ANKRD26: variants seen among roughly 807,000 people sequenced by gnomAD.
The protein encoded by ANKRD26 is ankyrin repeat domain 26, also known as ankyrin repeat domain-containing protein 26.
A neutral mutation model predicts 208.7 loss-of-function variants in ANKRD26; 141 were observed. That is an observed-to-expected ratio of 0.68 (90% CI 0.59 to 0.78). The LOEUF is 0.78. Among genes scored for constraint, ANKRD26 ranks in the 30% least tolerant of loss-of-function variants. The pLI is 0.00. For synonymous variants in ANKRD26, 636 were observed against 660.4 expected (o/e 0.96, Z 0.57); for missense variants, 1,889 against 1,938.7 (o/e 0.97, Z 0.48).
intron 20 of ANKRD26, among the ~76,000 whole-genome samples, chr10:27,041,800 T>C (rs1261126480): frequency 6.6e-6 from 1 of 151,154 alleles, no homozygotes; most frequent in African/African-American, 2.4e-5. Flanking sequence ...AAAAAAAATG[T>C]GAAGAAAAAT....
chr10:26,984,778 G>A (rs1230802246), intron 3 of ANKRD26, among the ~76,000 whole-genome samples: 2 of 152,178 alleles, frequency 1.3e-5, no homozygotes, highest in Non-Finnish European at 2.9e-5. Context: ...TGGTGGATCA[G>A]AGTGTAAGGA....
chr10:27,059,827 G>A (rs190110702), intron 15 of ANKRD26, among the ~76,000 whole-genome samples: 5 of 151,824 alleles, frequency 3.3e-5, no homozygotes, highest in African/African-American at 4.8e-5. Context: ...CCCAGGAGGC[G>A]GAGGCTGCAG....
downstream of ANKRD26, among the ~76,000 whole-genome samples, chr10:26,972,012 G>C (rs2052151416): frequency 6.6e-6 from 1 of 152,118 alleles, no homozygotes; most frequent in South Asian, 2.1e-4. Context: ...AAGGTGGGCG[G>C]ATCACAAAGT....
chr10:27,041,848 C>T (rs1049299011), intron 20 of ANKRD26, among the ~76,000 whole-genome samples: 2 of 151,536 alleles, frequency 1.3e-5, no homozygotes, highest in African/African-American at 4.8e-5. Flanking sequence ...AACTATAATC[C>T]CACAGATTCA....
In ANKRD26 at chr10:27,066,549, C is replaced by T; in HGVS notation, c.1208-1G>A. 1 of 1,591,130 alleles carries T rather than the reference C, an allele frequency of 6.3e-7. No individual in the cohort carries two copies. Among genetic ancestry groups the T allele is most frequent in the South Asian group, 1.1e-5 (1 of 89,506 alleles). On this transcript the variant is annotated splice_acceptor_variant, in intron 10 of 33. Transcript: ENST00000376087. LOFTEE classifies it high-confidence loss of function. Reference sequence around the variant, plus strand: ...CCTAATCCTAATGCGGACATCATATCTATCAAATGTGATACACAGATATAT... The same window carrying T: ...CCTAATCCTAATGCGGACATCATATTTATCAAATGTGATACACAGATATAT...
At chr10:26,964,491 C>T in the ANKRD26 span, among the ~76,000 whole-genome samples, 1 of 152,192 alleles carries the variant, frequency 6.6e-6, no homozygotes, top group Non-Finnish European at 1.5e-5. Flanking sequence ...GCAGCTCACT[C>T]CACCACAGAG....
At chr10:27,085,773 C>T (rs1417784522) in intron 5 of ANKRD26, among the ~76,000 whole-genome samples, 1 of 152,064 alleles carries the variant, frequency 6.6e-6, no homozygotes, top group Non-Finnish European at 1.5e-5. Context: ...TCATCTCTGC[C>T]ACCCCAAGAC....
At chr10:26,958,488 G>A in the ANKRD26 span, among the ~76,000 whole-genome samples, 1 of 152,110 alleles carries the variant, frequency 6.6e-6, no homozygotes, top group South Asian at 2.1e-4. Context: ...GTTCCCCCCA[G>A]TGTGCCCATG....
exon 6 of ANKRD26, among the ~76,000 whole-genome samples, chr10:26,975,077 G>T (rs2052204788): frequency 1.3e-5 from 2 of 152,148 alleles, no homozygotes; most frequent in South Asian, 4.1e-4. Context: ...CTTGTCTTGA[G>T]TTATGCCTCC....
the ANKRD26 span, among the ~76,000 whole-genome samples, chr10:26,949,563 T>A: frequency 6.6e-6 from 1 of 152,222 alleles, no homozygotes; most frequent in African/African-American, 2.4e-5. Context: ...TGGAGTGCAG[T>A]GGCGAGATTT....
At chr10:27,026,115 C>T (rs1436773978) in intron 27 of ANKRD26, among the ~76,000 whole-genome samples, 1 of 152,154 alleles carries the variant, frequency 6.6e-6, no homozygotes, top group Non-Finnish European at 1.5e-5. Context: ...GACTAATTCC[C>T]TTTTCCATAA....
rs2055156739 is a variant in ANKRD26 at position 27,064,056 on chromosome 10, T to C, written c.1295A>G (p.Lys432Arg). The C allele has an allele frequency of 6.2e-7, 1 of 1,611,362 alleles. No homozygotes were observed. The highest frequency in any genetic ancestry group is 8.5e-7 in the Non-Finnish European group (1 of 1,179,410). Residue 432 changes from lysine (K) to arginine (R), a missense_variant, in exon 12 of 34, where the codon AAG becomes AGG. Lys to Arg is a conservative substitution (Grantham distance 26). This residue lies in a region of ANKRD26 where 1,272 missense variants were observed against 1,273.8 expected (regional missense o/e 1.00). Coordinates refer to ENST00000376087, the MANE Select transcript of ANKRD26 (RefSeq NM_014915.3). Reference protein sequence around the residue: ...SESISENFPQKYVDPLAGAAD... With the variant: ...SESISENFPQRYVDPLAGAAD... ...AGCCCCAGCTAAAGGATCAACATAC[T>C]TCTGTGGAAAATTCTCAGAGATACT...
intron 5 of ANKRD26, among the ~76,000 whole-genome samples, chr10:26,993,831 A>G (rs2134683688): frequency 6.6e-6 from 1 of 152,322 alleles, no homozygotes; most frequent in East Asian, 1.9e-4. Flanking sequence ...GAGTCTGCAT[A>G]TCCAGGAGGC....
chr10:26,995,671 G>A (rs1003167110), intron 4 of ANKRD26, among the ~76,000 whole-genome samples: 5 of 152,114 alleles, frequency 3.3e-5, no homozygotes, highest in African/African-American at 9.7e-5. Flanking sequence ...ACTCTATCAG[G>A]GTTAATGCTC....
chr10:26,959,138 G>T, the ANKRD26 span, among the ~76,000 whole-genome samples: 1 of 151,990 alleles, frequency 6.6e-6, no homozygotes, highest in Non-Finnish European at 1.5e-5. Flanking sequence ...AATTAGCCAG[G>T]TGTGGTGGCA....
chr10:27,018,301 A>AT (rs2053373168), intron 29 of ANKRD26, among the ~76,000 whole-genome samples: 1 of 151,578 alleles, frequency 6.6e-6, no homozygotes, highest in African/African-American at 2.4e-5. Context: ...GGCCCGGCTA[A>AT]TTTTTTGTAT....
the ANKRD26 span, among the ~76,000 whole-genome samples, chr10:26,955,993 TTAA>T: frequency 3.3e-5 from 5 of 152,208 alleles, no homozygotes; most frequent in African/African-American, 9.6e-5. Context: ...TTTTTTAAAG[TTAA>T]TATTATTAGT....
chr10:27,099,460 G>A (rs1048476727), intron 1 of ANKRD26, among the ~76,000 whole-genome samples: 9 of 151,626 alleles, frequency 5.9e-5, no homozygotes, highest in Non-Finnish European at 2.9e-5. Flanking sequence ...GAAAGATAGG[G>A]TCTTGCTCTG....
chr10:27,038,103 A>G, intron 21 of ANKRD26, 49 bp from the exon 22 acceptor site: 1 of 1,509,088 alleles, frequency 6.6e-7, no homozygotes, highest in Non-Finnish European at 9.1e-7. Flanking sequence ...ACAAAATAAA[A>G]AGTTCATTGT....
Sources: allele counts gnomAD v4.1 joint callset (sites outside exome capture counted in the v4.1 genomes callset), GRCh38; gene constraint gnomAD v4.1.1; regional missense constraint gnomAD v4.1.1; transcripts MANE v1.5; gene names NCBI Gene and HGNC (gene_info 2026-07-23, HGNC 2026-07-21).